CSMD3: variants seen among roughly 807,000 people sequenced by gnomAD.
The protein encoded by CSMD3 is CUB and Sushi multiple domains 3, also known as CUB and sushi domain-containing protein 3.
In CSMD3, 177 loss-of-function variants were observed where a neutral mutation model predicts 435.2. The observed-to-expected ratio is 0.41, with a 90% CI of 0.36 to 0.46. The LOEUF is 0.46. CSMD3 is among the 20% of genes least tolerant of loss of function. The probability of loss-of-function intolerance (pLI) is 0.34; values close to 1 mark genes in which losing one functional copy is unlikely to be tolerated. For synonymous variants in CSMD3, 1,656 were observed against 1,520.5 expected (o/e 1.09, Z -2.07); for missense variants, 4,265 against 4,504.6 (o/e 0.95, Z 1.52).
intron 13 of CSMD3, among the ~76,000 whole-genome samples, chr8:112,714,162 T>C (rs2076672477): frequency 6.6e-6 from 1 of 151,924 alleles, no homozygotes; most frequent in African/African-American, 2.4e-5. Context: ...ATCAGTGTGC[T>C]GTATTCAGGA....
At chr8:113,120,553 T>C (rs1254184474) in intron 4 of CSMD3, among the ~76,000 whole-genome samples, 4 of 152,210 alleles carry the variant, frequency 2.6e-5, no homozygotes, top group Admixed American at 1.3e-4. Context: ...TTTATGTATT[T>C]AGTAGATAAT....
intron 6 of CSMD3, among the ~76,000 whole-genome samples, chr8:113,010,689 G>A (rs375615862): frequency 2.6e-5 from 4 of 151,598 alleles, no homozygotes; most frequent in African/African-American, 9.6e-5. Flanking sequence ...GACTTTATAA[G>A]TACTCCAATA....
chr8:113,217,042 A>C (rs1057442848), intron 3 of CSMD3, among the ~76,000 whole-genome samples: 3 of 151,794 alleles, frequency 2.0e-5, no homozygotes, highest in African/African-American at 7.3e-5. Flanking sequence ...GTAATAAATA[A>C]ACTTCACCGA....
At chr8:113,036,187 A>T (rs1246166769) in intron 5 of CSMD3, among the ~76,000 whole-genome samples, 1 of 151,964 alleles carries the variant, frequency 6.6e-6, no homozygotes, top group Non-Finnish European at 1.5e-5. Context: ...ACATTTTCTC[A>T]TTCACAATTT....
intron 13 of CSMD3, among the ~76,000 whole-genome samples, chr8:112,777,361 G>C (rs1364984519): frequency 1.3e-5 from 2 of 151,646 alleles, no homozygotes; most frequent in Non-Finnish European, 3.0e-5. Context: ...TTTTCTATTT[G>C]TATAAGGCAT....
In CSMD3 at chr8:113,269,691, C is replaced by CA. The variant is rs1258111131; in HGVS notation, c.514+8900dup. 1.6e-3 allele frequency among the ~76,000 whole-genome samples: 223 copies of CA among 140,660 alleles called. 1 individual carries two copies. Among genetic ancestry groups the CA allele is most frequent in the African/African-American group, 4.1e-3 (138 of 33,776 alleles). 92.3% of individuals were successfully genotyped at this position (140,660 alleles called of 152,430 possible). A position where few individuals can be genotyped will look rare whatever the true frequency, so the allele number is the denominator to read the frequency against. The stretch of plus-strand genomic sequence containing the variant: ...ACCATCTGATCTTTGACAAACCTGA[C>CA]AAAAAAAAGAAGAAATGGGGAAAGG... On this transcript the variant is annotated intron_variant, in intron 3 of 70. Transcript: ENST00000297405.
chr8:113,166,905 T>C (rs1163179105), intron 4 of CSMD3, among the ~76,000 whole-genome samples: 1 of 152,176 alleles, frequency 6.6e-6, no homozygotes, highest in Non-Finnish European at 1.5e-5. Flanking sequence ...TTATTACTAG[T>C]TGTTGAATAC....
At chr8:112,870,854 C>T (rs953428513) in intron 10 of CSMD3, among the ~76,000 whole-genome samples, 28 of 152,006 alleles carry the variant, frequency 1.8e-4, no homozygotes, top group Middle Eastern at 3.4e-3. Context: ...GCAGATAAAT[C>T]TGGTTTTACA....
intron 67 of CSMD3, among the ~76,000 whole-genome samples, chr8:112,234,912 A>C (rs933133675): frequency 6.6e-6 from 1 of 152,192 alleles, no homozygotes; most frequent in African/African-American, 2.4e-5. Context: ...CTTGAGCCAC[A>C]AAGATGAATA....
chr8:112,794,173 A>C (rs1390720646), intron 13 of CSMD3, among the ~76,000 whole-genome samples: 1 of 152,096 alleles, frequency 6.6e-6, no homozygotes, highest in Non-Finnish European at 1.5e-5. Flanking sequence ...TATTAAAAAA[A>C]AGTTATACCA....
intron 21 of CSMD3, among the ~76,000 whole-genome samples, 180 bp downstream of exon 21, chr8:112,638,516 A>G (rs2131587518): frequency 6.6e-6 from 1 of 151,822 alleles, no homozygotes; most frequent in East Asian, 1.9e-4. Flanking sequence ...ACTAGAGATA[A>G]TCTTCAGTGT....
At chr8:113,169,599 C>T (rs1321607822) in intron 4 of CSMD3, among the ~76,000 whole-genome samples, 1 of 152,156 alleles carries the variant, frequency 6.6e-6, no homozygotes, top group African/African-American at 2.4e-5. Context: ...TTTCCTATGA[C>T]TGCCTTCTTA....
intron 5 of CSMD3, among the ~76,000 whole-genome samples, chr8:113,032,386 G>C (rs1041724824): frequency 6.6e-6 from 1 of 151,516 alleles, no homozygotes; most frequent in African/African-American, 2.4e-5. Flanking sequence ...AACTGACTGG[G>C]AACTGGAGCA....
At chr8:112,501,623 C>T (rs575112569) in intron 30 of CSMD3, among the ~76,000 whole-genome samples, 16 of 152,102 alleles carry the variant, frequency 1.1e-4, no homozygotes, top group South Asian at 6.2e-4. Flanking sequence ...GAGAATAATT[C>T]GGCAATACAG....
chr8:112,399,641 ATT>A, intron 35 of CSMD3, among the ~76,000 whole-genome samples: 1 of 152,174 alleles, frequency 6.6e-6, no homozygotes, highest in East Asian at 1.9e-4. Flanking sequence ...TTGCTTAGAT[ATT>A]TTCTCAGCCA....
chr8:112,701,111 A>C (rs1371144155), intron 13 of CSMD3, among the ~76,000 whole-genome samples: 1 of 152,142 alleles, frequency 6.6e-6, no homozygotes. Context: ...CTCCTCAATA[A>C]AGTATTAGTC....
At chr8:112,776,728 T>C (rs2132224558) in intron 13 of CSMD3, among the ~76,000 whole-genome samples, 1 of 151,918 alleles carries the variant, frequency 6.6e-6, no homozygotes, top group Non-Finnish European at 1.5e-5. Flanking sequence ...TTTAAAATTG[T>C]CTTTTAGTTC....
At chr8:112,812,430 A>C (rs1362347982) in intron 12 of CSMD3, among the ~76,000 whole-genome samples, 1 of 152,144 alleles carries the variant, frequency 6.6e-6, no homozygotes, top group African/African-American at 2.4e-5. Flanking sequence ...AACCCCCTGG[A>C]AGCATGCCAA....
At chr8:112,259,168 C>G (rs1383039359) in intron 61 of CSMD3, among the ~76,000 whole-genome samples, 6 of 151,810 alleles carry the variant, frequency 4.0e-5, no homozygotes, top group Admixed American at 3.3e-4. Context: ...CTATTCACAA[C>G]AGTAAAGACT....
Sources: gnomAD v4.1 joint callset for allele counts (sites outside exome capture counted in the v4.1 genomes callset) on GRCh38, gnomAD v4.1.1 for gene constraint, MANE v1.5 for transcripts, NCBI Gene and HGNC (gene_info 2026-07-23, HGNC 2026-07-21) for gene names.